LIMD1: variants seen among roughly 807,000 people sequenced by gnomAD.
The protein encoded by LIMD1 is LIM domain-containing protein 1.
In LIMD1, 23 loss-of-function variants were observed where a neutral mutation model predicts 58.4. The observed-to-expected ratio is 0.39, with a 90% confidence interval of 0.28 to 0.56. LIMD1 has a LOEUF of 0.56. Among genes scored for constraint, LIMD1 ranks in the 20% least tolerant of loss-of-function variants. LIMD1 has a pLI of 0.57. For synonymous variants in LIMD1, 334 were observed against 345.5 expected, an observed-to-expected ratio of 0.97 and a Z score of 0.37; for missense variants, 838 against 855.5, an observed-to-expected ratio of 0.98 and a Z score of 0.25.
chr3:45,595,259 A>G lies in LIMD1; in HGVS notation c.380A>G (p.Tyr127Cys), dbSNP rs768489233. ...ACCCTCGCTGCTGGGCAGCCCCCGT[A>G]CCCACCGCAGGAGCAGAGATCCAGG... ...VTTLAAGQPP[Y>C]PPQEQRSRPY... is the part of the protein sequence containing the mutation. Residue 127 changes from tyrosine (Y) to cysteine (C), a missense_variant, in exon 1 of 8, where the codon TAC becomes TGC. By Grantham distance (194) the Tyr-to-Cys change is radical. Coordinates refer to ENST00000273317, the MANE Select transcript of LIMD1 (RefSeq NM_014240.3). The G allele has an allele frequency of 1.2e-6, 2 of 1,611,104 alleles. No individual in the cohort carries two copies. Among genetic ancestry groups the G allele is most frequent in the Admixed American group, 1.7e-5 (1 of 59,936 alleles).
At chr3:45,627,632 T>C (rs772461331) in intron 1 of LIMD1, among the ~76,000 whole-genome samples, 13 of 111,326 alleles carry the variant, frequency 1.2e-4, no homozygotes, top group Non-Finnish European at 1.6e-4. Flanking sequence ...CTCTTTTTTA[T>C]AAAATATAAA....
intron 1 of LIMD1, among the ~76,000 whole-genome samples, chr3:45,606,903 C>T (rs562451536): frequency 5.3e-5 from 8 of 152,350 alleles, no homozygotes; most frequent in Non-Finnish European, 1.0e-4. Flanking sequence ...AAGCAATTCT[C>T]GTGCCTCAGC....
chr3:45,640,830 G>C (rs190501778), intron 2 of LIMD1, among the ~76,000 whole-genome samples: 3 of 152,220 alleles, frequency 2.0e-5, no homozygotes, highest in Non-Finnish European at 1.5e-5. Context: ...TGAGGATTCG[G>C]ATTTTGTCAA....
At chr3:45,657,850 A>G (rs992920927) in intron 2 of LIMD1, among the ~76,000 whole-genome samples, 2 of 152,224 alleles carry the variant, frequency 1.3e-5, no homozygotes, top group African/African-American at 4.8e-5. Flanking sequence ...AAAATAATCA[A>G]TTCCTGTATC....
At position 45,594,795 on chromosome 3, in the gene LIMD1, A is replaced by ACACACACACACACACAC. The variant is rs1701315522; in HGVS notation, c.-84_-68dup. On this transcript the variant is annotated 5_prime_UTR_variant, in exon 1 of 8. Coordinates refer to ENST00000273317, the MANE Select transcript of LIMD1 (RefSeq NM_014240.3). ...CTGCCCTCAACACACACACACACACACACACACACACACACACACACACAC... is the reference window on the plus strand; with the variant it reads ...CTGCCCTCAACACACACACACACACACACACACACACACACACCACACACACACACACACACACACAC... 7 of 113,336 alleles carry ACACACACACACACACAC rather than the reference A, an allele frequency of 6.2e-5. No individual in the cohort carries two copies. In the East Asian group the frequency reaches 1.8e-3, roughly 30 times the overall value. 7.0% of individuals were successfully genotyped at this position (113,336 alleles called of 1,614,324 possible).
rs906232103 is a variant in LIMD1, at chr3:45,609,243, A to G, written c.1408+12956A>G. Among the ~76,000 whole-genome samples, 9 of 152,168 alleles carry G rather than the reference A, an allele frequency of 5.9e-5. No individual in the cohort carries two copies. The South Asian group carries it at 1.9e-3, about 32-fold the overall frequency. On this transcript the variant is annotated intron_variant, in intron 1 of 7. Coordinates refer to ENST00000273317, the MANE Select transcript of LIMD1 (RefSeq NM_014240.3). ...GCACGGAATGGAAGTTGAATGTTAG[A>G]AGTGCTAGACCTCCAGATTCAGTAA... is the stretch of plus-strand genomic sequence containing the variant.
chr3:45,642,717 A>G (rs1206496849), intron 2 of LIMD1, among the ~76,000 whole-genome samples: 1 of 152,206 alleles, frequency 6.6e-6, no homozygotes, highest in Non-Finnish European at 1.5e-5. Flanking sequence ...GCTGGTTTGC[A>G]GGTTGTTACA....
chr3:45,612,210 G>A (rs984733762), intron 1 of LIMD1, among the ~76,000 whole-genome samples: 24 of 151,824 alleles, frequency 1.6e-4, no homozygotes, highest in African/African-American at 5.1e-4. Flanking sequence ...CCAGCCCCCC[G>A]AATAACTGGA....
At chr3:45,611,893 G>C (rs1197050996) in intron 1 of LIMD1, among the ~76,000 whole-genome samples, 1 of 152,192 alleles carries the variant, frequency 6.6e-6, no homozygotes, top group Admixed American at 6.5e-5. Flanking sequence ...GGTTGCCCAT[G>C]CCTGACGGTG....
chr3:45,602,987 C>T (rs535181723), intron 1 of LIMD1, among the ~76,000 whole-genome samples: 19 of 152,142 alleles, frequency 1.2e-4, no homozygotes, highest in African/African-American at 1.2e-4. Context: ...ATTACAGGCG[C>T]GCACCACCAT....
At chr3:45,609,100 C>A (rs1701498053) in intron 1 of LIMD1, among the ~76,000 whole-genome samples, 1 of 152,198 alleles carries the variant, frequency 6.6e-6, no homozygotes, top group African/African-American at 2.4e-5. Context: ...TTCTCCATAA[C>A]TTGTGCCTGG....
chr3:45,683,225 G>C lies in LIMD1; in HGVS notation c.*6166G>C, dbSNP rs1466114424. The C allele has an allele frequency of 6.6e-6, 1 of 152,216 alleles. No individual in the cohort carries two copies. The highest frequency in any genetic ancestry group is 2.4e-5 in the African/African-American group (1 of 41,428). The allele number at this position is 152,216 out of a possible 1,614,324, so 9.4% of individuals were successfully genotyped here. On this transcript the variant is annotated 3_prime_UTR_variant, in exon 8 of 8. Coordinates refer to ENST00000273317, the MANE Select transcript of LIMD1 (RefSeq NM_014240.3). Reference sequence around the variant, plus strand: ...AGATATTCACAGGTTCTGGTGAGGAGGACAGGGACATCTCTGAAGGGGAGG... The same window carrying C: ...AGATATTCACAGGTTCTGGTGAGGACGACAGGGACATCTCTGAAGGGGAGG...
chr3:45,608,042 G>A (rs1371358629), intron 1 of LIMD1, among the ~76,000 whole-genome samples: 1 of 152,224 alleles, frequency 6.6e-6, no homozygotes, highest in Non-Finnish European at 1.5e-5. Context: ...AGAAAGAAAT[G>A]GAATTGGGGG....
chr3:45,662,642 A>G (rs1377752995), intron 2 of LIMD1, among the ~76,000 whole-genome samples: 1 of 152,036 alleles, frequency 6.6e-6, no homozygotes, highest in African/African-American at 2.4e-5. Flanking sequence ...TATGAATTGA[A>G]ATTTTCCTAC....
At chr3:45,650,913 G>A (rs150188338) in intron 2 of LIMD1, among the ~76,000 whole-genome samples, 4,604 of 151,808 alleles carry the variant, frequency 0.03, 75 homozygotes, top group Non-Finnish European at 0.041. Context: ...GAATTGCCAC[G>A]CTGTCTTCCA....
At chr3:45,637,748 AT>A (rs35300743) in intron 2 of LIMD1, among the ~76,000 whole-genome samples, 46,493 of 152,038 alleles carry the variant, frequency 0.31, 7,702 homozygotes, top group Non-Finnish European at 0.38. Context: ...TAACCAGTGC[AT>A]TGTGGTTAAC....
intron 2 of LIMD1, among the ~76,000 whole-genome samples, chr3:45,665,221 G>A (rs770340461): frequency 1.3e-5 from 2 of 151,812 alleles, no homozygotes; most frequent in African/African-American, 2.4e-5. Flanking sequence ...CCTGATAGGC[G>A]GTCACAATGG....
intron 2 of LIMD1, among the ~76,000 whole-genome samples, chr3:45,644,737 G>A (rs1701882998): frequency 6.6e-6 from 1 of 152,186 alleles, no homozygotes; most frequent in Non-Finnish European, 1.5e-5. Flanking sequence ...CTTAGAGAGA[G>A]TATTTGCCAA....
At chr3:45,648,108 A>G (rs916799034) in intron 2 of LIMD1, among the ~76,000 whole-genome samples, 5 of 138,686 alleles carry the variant, frequency 3.6e-5, no homozygotes, top group African/African-American at 1.1e-4. Context: ...TTTGGGAAAA[A>G]TAGGGACAGG....
Sources: gnomAD v4.1 joint callset for allele counts (sites outside exome capture counted in the v4.1 genomes callset) on GRCh38, gnomAD v4.1.1 for gene constraint, MANE v1.5 for transcripts, NCBI Gene and HGNC (gene_info 2026-07-23, HGNC 2026-07-21) for gene names.